RCOR1: variants seen among roughly 807,000 people sequenced by gnomAD.
RCOR1 encodes REST corepressor 1, also known as REST corepressor.
RCOR1 carries 12 observed loss-of-function variants against 64.0 expected under a neutral mutation model. The observed-to-expected ratio is 0.19, with a 90% CI of 0.12 to 0.30. The LOEUF (loss-of-function observed/expected upper bound fraction) is 0.30, where lower values mean the gene tolerates loss of function less well. Among genes scored for constraint, RCOR1 ranks in the 10% least tolerant of loss-of-function variants. RCOR1 has a pLI of 1.00. For missense variants in RCOR1, 502 were observed against 621.2 expected (o/e 0.81, Z 2.04); for synonymous variants, 279 against 227.2 (o/e 1.23, Z -2.05).
rs565371156 is a variant in RCOR1 at position 102,648,161 on chromosome 14, C to A, written c.362-33734C>A. 1.8e-3 allele frequency among the ~76,000 whole-genome samples: 273 copies of A among 152,236 alleles called. 2 individuals carry two copies. The highest frequency in any genetic ancestry group is 2.7e-3 in the Non-Finnish European group (185 of 68,028). ...TGGCGTGATCTCGCCTCACTGCAAC[C>A]CCCGCCTCCCGGGTTCAGACAATTC... On this transcript the variant is annotated intron_variant, in intron 2 of 11. Coordinates refer to ENST00000262241, the MANE Select transcript of RCOR1 (RefSeq NM_015156.4).
chr14:102,595,130 T>A (rs1170022341), intron 2 of RCOR1, among the ~76,000 whole-genome samples: 1 of 152,218 alleles, frequency 6.6e-6, no homozygotes, highest in African/African-American at 2.4e-5. Context: ...ACAGCAAATA[T>A]AATATTTTGA....
intron 2 of RCOR1, among the ~76,000 whole-genome samples, chr14:102,632,056 C>T (rs776825922): frequency 2.7e-5 from 4 of 150,558 alleles, no homozygotes; most frequent in African/African-American, 4.9e-5. Flanking sequence ...GTAGTCTGCA[C>T]GCCTTGGCCT....
chr14:102,685,204 T>A (rs1895392461), intron 3 of RCOR1, among the ~76,000 whole-genome samples: 1 of 152,268 alleles, frequency 6.6e-6, no homozygotes, highest in Admixed American at 6.5e-5. Flanking sequence ...AAATAGTACA[T>A]AATGCATAAT....
chr14:102,601,194 A>G (rs1443962869), intron 2 of RCOR1, among the ~76,000 whole-genome samples: 1 of 151,832 alleles, frequency 6.6e-6, no homozygotes, highest in Non-Finnish European at 1.5e-5. Flanking sequence ...GTCTCAAAAA[A>G]AAAAGACGGG....
chr14:102,707,428 A>T lies in RCOR1; in HGVS notation c.576A>T (p.Pro192=), dbSNP rs997362481. ...ATTTGCCCAACTTTACCCCTTTCCCAGATGAGTGGACTGTGGAAGATAAAG... is the reference window on the plus strand; with the variant it reads ...ATTTGCCCAACTTTACCCCTTTCCCTGATGAGTGGACTGTGGAAGATAAAG... ...LADLPNFTPF[P]DEWTVEDKVL... is the part of the protein sequence containing the mutation. The change falls in exon 5 of 12, where the codon CCA becomes CCT. Residue 192 remains proline (P), a synonymous_variant. Transcript: ENST00000262241. The T allele has an allele frequency of 3.7e-6, 6 of 1,613,546 alleles. No homozygotes were observed. Among genetic ancestry groups the T allele is most frequent in the Non-Finnish European group, 5.1e-6 (6 of 1,179,804 alleles).
chr14:102,657,147 C>T (rs948302631), intron 2 of RCOR1: 1 of 960,022 alleles, frequency 1.0e-6, no homozygotes, highest in African/African-American at 2.3e-5. Context: ...AAACCCAAAA[C>T]ACATAGGGTA....
chr14:102,595,333 C>G (rs1373775416), intron 2 of RCOR1, among the ~76,000 whole-genome samples: 1 of 152,012 alleles, frequency 6.6e-6, no homozygotes, highest in Admixed American at 6.6e-5. Context: ...CAGACTCTGT[C>G]TCAACAAAAA....
At position 102,701,312 on chromosome 14, in the gene RCOR1, T is replaced by C. The variant is rs777435620; in HGVS notation, c.480T>C (p.His160=). The C allele has an allele frequency of 8.1e-6, 13 of 1,612,730 alleles. No individual in the cohort carries two copies. The South Asian group carries it at 9.9e-5, about 12-fold the overall frequency. Residue 160 remains histidine, a synonymous_variant, in exon 4 of 12, where the codon CAT becomes CAC. Coordinates refer to ENST00000262241, the MANE Select transcript of RCOR1 (RefSeq NM_015156.4). ...DEYIAIAKEK[H]GYNMEQALGM... is the part of the protein sequence containing the mutation. ...ACATTGCCATTGCCAAAGAAAAGCA[T>C]GGGTACAACATGGAACAGGTAATAT...
chr14:102,603,499 A>G (rs970215787), intron 2 of RCOR1, among the ~76,000 whole-genome samples: 3 of 151,680 alleles, frequency 2.0e-5, no homozygotes, highest in African/African-American at 7.3e-5. Flanking sequence ...TAATATTTGT[A>G]TTTTTTGTAG....
chr14:102,714,416 C>G lies in RCOR1; in HGVS notation c.859-7C>G. ...AGTTTCATTCATCACCTGTGTATATCATGCAGGTTCCCCCTACTGAGACAG... is the reference window on the plus strand; with the variant it reads ...AGTTTCATTCATCACCTGTGTATATGATGCAGGTTCCCCCTACTGAGACAG... On this transcript the variant is annotated splice_region_variant and splice_polypyrimidine_tract_variant and intron_variant, in intron 7 of 11. Coordinates refer to ENST00000262241, the MANE Select transcript of RCOR1 (RefSeq NM_015156.4). 6.3e-7 allele frequency: 1 copy of G among 1,584,018 alleles called. No individual in the cohort carries two copies. Among genetic ancestry groups the G allele is most frequent in the East Asian group, 2.2e-5 (1 of 44,630 alleles).
At chr14:102,643,051 G>A (rs1156909140) in intron 2 of RCOR1, among the ~76,000 whole-genome samples, 2 of 152,208 alleles carry the variant, frequency 1.3e-5, no homozygotes, top group Non-Finnish European at 2.9e-5. Flanking sequence ...GGGAGGCCGA[G>A]GCGGGCAGAT....
At chr14:102,611,003 A>T (rs1461074811) in intron 2 of RCOR1, among the ~76,000 whole-genome samples, 1 of 152,282 alleles carries the variant, frequency 6.6e-6, no homozygotes, top group Non-Finnish European at 1.5e-5. Flanking sequence ...ATTGCCAATA[A>T]GGTGTTCAAA....
intron 2 of RCOR1, among the ~76,000 whole-genome samples, chr14:102,613,883 T>G: frequency 7.5e-6 from 1 of 132,454 alleles, no homozygotes; most frequent in African/African-American, 2.8e-5. Flanking sequence ...GAATTAACTA[T>G]TCTTTTTTTT....
At chr14:102,680,858 C>T (rs1412000509) in intron 2 of RCOR1, among the ~76,000 whole-genome samples, 2 of 152,202 alleles carry the variant, frequency 1.3e-5, no homozygotes, top group Non-Finnish European at 2.9e-5. Flanking sequence ...ATATTTCTTT[C>T]TCATCTACAT....
Position 102,714,556 on chromosome 14 carries a change from C to T in RCOR1, c.992C>T (p.Ala331Val). ...GATGTGGAGGCTGTTTCTGCCAATGCCACTGCTGCTACCACGGTGCTGAGA... is the reference window on the plus strand; with the variant it reads ...GATGTGGAGGCTGTTTCTGCCAATGTCACTGCTGCTACCACGGTGCTGAGA... ...QEDVEAVSAN[A>V]TAATTVLRQL... Residue 331 changes from alanine to valine, a missense_variant, in exon 8 of 12, where the codon GCC becomes GTC. This residue lies in a region of RCOR1 where 260 missense variants were observed against 416.4 expected (regional missense o/e 0.62). Coordinates refer to ENST00000262241, the MANE Select transcript of RCOR1 (RefSeq NM_015156.4). The T allele has an allele frequency of 6.2e-7, 1 of 1,613,818 alleles. No homozygotes were observed. Among genetic ancestry groups the T allele is most frequent in the Non-Finnish European group, 8.5e-7 (1 of 1,179,742 alleles).
chr14:102,643,335 A>C, intron 2 of RCOR1: 1 of 980,038 alleles, frequency 1.0e-6, no homozygotes, highest in Non-Finnish European at 1.2e-6. Flanking sequence ...AACCTTATAG[A>C]GCTTCCAGGA....
intron 2 of RCOR1, among the ~76,000 whole-genome samples, chr14:102,668,107 G>A (rs1008756747): frequency 1.5e-4 from 23 of 152,282 alleles, no homozygotes; most frequent in African/African-American, 3.4e-4. Flanking sequence ...TAGAGAAAAC[G>A]TGGGGAAAGG....
chr14:102,663,605 A>G (rs969562322), intron 2 of RCOR1, among the ~76,000 whole-genome samples: 1 of 152,198 alleles, frequency 6.6e-6, no homozygotes, highest in African/African-American at 2.4e-5. Context: ...CATCAGTCAG[A>G]CTGTAGCTTC....
At chr14:102,600,336 A>C (rs1893363907) in intron 2 of RCOR1, among the ~76,000 whole-genome samples, 1 of 151,888 alleles carries the variant, frequency 6.6e-6, no homozygotes, top group South Asian at 2.1e-4. Context: ...CGGCCTCCCA[A>C]AGTGCTGGGA....
Sources: gnomAD v4.1 joint callset for allele counts (sites outside exome capture counted in the v4.1 genomes callset) on GRCh38, gnomAD v4.1.1 for gene constraint, gnomAD v4.1.1 regional missense constraint, MANE v1.5 for transcripts, NCBI Gene and HGNC (gene_info 2026-07-23, HGNC 2026-07-21) for gene names.